The following DGKB variants were observed in gnomAD, a reference collection of about 807,000 sequenced individuals.
DGKB encodes 90 kDa diacylglycerol kinase.
Under a neutral mutation model 114.3 loss-of-function variants are expected in DGKB, and 67 were observed. The ratio of observed to expected loss-of-function variants is 0.59; its 90% CI spans 0.48 to 0.72. DGKB has a LOEUF of 0.72. Among genes scored for constraint, DGKB ranks in the 30% least tolerant of loss-of-function variants. The probability of loss-of-function intolerance (pLI) is 0.00; values close to 1 mark genes in which losing one functional copy is unlikely to be tolerated. For missense variants in DGKB, 907 were observed against 975.2 expected (o/e 0.93, Z 0.93); for synonymous variants, 398 against 323.1 (o/e 1.23, Z -2.49).
At position 14,163,989 on chromosome 7, in the gene DGKB, C is replaced by CCAT. The variant is rs1347911550; in HGVS notation, c.2304+12847_2304+12849dup. On this transcript the variant is annotated intron_variant, in intron 25 of 25. Transcript: ENST00000402815. ...CTGCCTGGGCAACAGCAGAGAAACT[C>CCAT]CATCTCAAAAACAAAAAACAAACAA... 3.3e-5 allele frequency among the ~76,000 whole-genome samples: 5 copies of CCAT among 151,078 alleles called. No homozygotes were observed. The East Asian group carries it at 9.7e-4, about 29-fold the overall frequency.
intron 21 of DGKB, among the ~76,000 whole-genome samples, chr7:14,350,421 A>G (rs1307981273): frequency 6.6e-6 from 1 of 152,086 alleles, no homozygotes; most frequent in Non-Finnish European, 1.5e-5. Flanking sequence ...GAAACAGTAA[A>G]GTACCAGTGC....
At chr7:14,537,216 T>G (rs1433671896) in intron 20 of DGKB, among the ~76,000 whole-genome samples, 1 of 152,168 alleles carries the variant, frequency 6.6e-6, no homozygotes, top group Admixed American at 6.5e-5. Context: ...TTGGAAAATT[T>G]AATATTATTA....
chr7:14,942,562 A>G (rs954692613), intron 1 of DGKB, among the ~76,000 whole-genome samples: 13 of 152,004 alleles, frequency 8.6e-5, no homozygotes, highest in South Asian at 4.1e-4. Flanking sequence ...TGCTGAAGTA[A>G]TTACAGCTTC....
intron 21 of DGKB, among the ~76,000 whole-genome samples, chr7:14,386,517 G>A (rs1820366471): frequency 6.6e-6 from 1 of 152,164 alleles, no homozygotes; most frequent in South Asian, 2.1e-4. Context: ...CAGCGATAAG[G>A]TAATTTTTGC....
intron 13 of DGKB, among the ~76,000 whole-genome samples, chr7:14,645,564 A>T (rs1441487972): frequency 1.3e-5 from 2 of 152,084 alleles, no homozygotes; most frequent in Non-Finnish European, 2.9e-5. Flanking sequence ...TTATAGTCAA[A>T]CAGTCAACAG....
At chr7:14,268,611 T>C (rs1797856017) in intron 23 of DGKB, among the ~76,000 whole-genome samples, 1 of 152,172 alleles carries the variant, frequency 6.6e-6, no homozygotes, top group Admixed American at 6.5e-5. Flanking sequence ...ATAAAAGAAA[T>C]ATGTTAGAAG....
At chr7:14,921,454 T>C (rs1042080179) in intron 1 of DGKB, among the ~76,000 whole-genome samples, 2 of 152,176 alleles carry the variant, frequency 1.3e-5, no homozygotes, top group Non-Finnish European at 2.9e-5. Flanking sequence ...CCGAACATCA[T>C]TAGAAAAATA....
At chr7:14,207,362 T>C (rs1010077474) in intron 23 of DGKB, among the ~76,000 whole-genome samples, 1 of 152,040 alleles carries the variant, frequency 6.6e-6, no homozygotes, top group African/African-American at 2.4e-5. Context: ...TGCAGTGGCT[T>C]GAAGAGGGAG....
intron 1 of DGKB, among the ~76,000 whole-genome samples, chr7:14,887,130 A>G (rs1160811442): frequency 6.6e-6 from 1 of 151,782 alleles, no homozygotes; most frequent in Admixed American, 6.6e-5. Flanking sequence ...GTTATTATAT[A>G]TGTTTTCTCT....
chr7:14,760,412 G>C (rs1051808014), intron 2 of DGKB, among the ~76,000 whole-genome samples: 2 of 152,014 alleles, frequency 1.3e-5, no homozygotes, highest in Non-Finnish European at 2.9e-5. Context: ...TACAATAATT[G>C]CTTCTATATG....
chr7:14,746,201 G>A (rs1385673338), intron 4 of DGKB, among the ~76,000 whole-genome samples: 1 of 152,104 alleles, frequency 6.6e-6, no homozygotes, highest in Non-Finnish European at 1.5e-5. Flanking sequence ...TAGCATGGTG[G>A]CATGTGCCTA....
chr7:14,671,469 C>T (rs1818951238), intron 13 of DGKB, among the ~76,000 whole-genome samples: 1 of 152,060 alleles, frequency 6.6e-6, no homozygotes, highest in Non-Finnish European at 1.5e-5. Flanking sequence ...TAAAAACTGT[C>T]TAAAAACAGC....
intron 1 of DGKB, among the ~76,000 whole-genome samples, chr7:14,856,828 T>C (rs1196930639): frequency 1.3e-5 from 2 of 152,182 alleles, no homozygotes; most frequent in Non-Finnish European, 2.9e-5. Context: ...TGCTTTATTA[T>C]AGGCTGCCAA....
At chr7:14,777,709 T>G (rs1166887442) in intron 2 of DGKB, among the ~76,000 whole-genome samples, 1 of 152,232 alleles carries the variant, frequency 6.6e-6, no homozygotes, top group Non-Finnish European at 1.5e-5. Flanking sequence ...GTCTCAGGTA[T>G]GTCTTTATTA....
chr7:14,379,370 A>G (rs1245810912), intron 21 of DGKB, among the ~76,000 whole-genome samples: 1 of 150,724 alleles, frequency 6.6e-6, no homozygotes. Context: ...GATGAAATCC[A>G]TCATTAGGCG....
At chr7:14,379,748 C>T (rs1322069819) in intron 21 of DGKB, among the ~76,000 whole-genome samples, 1 of 152,032 alleles carries the variant, frequency 6.6e-6, no homozygotes, top group African/African-American at 2.4e-5. Flanking sequence ...TTAGTAGTGA[C>T]GGGGTTTCAC....
intron 18 of DGKB, among the ~76,000 whole-genome samples, chr7:14,582,713 G>T (rs77064937): frequency 3.9e-5 from 6 of 151,980 alleles, no homozygotes; most frequent in Non-Finnish European, 8.8e-5. Context: ...CATCAATTTC[G>T]CACAGACTTT....
rs558220569 is a variant in DGKB, at chr7:14,188,524, G to C, written c.2123-10373C>G. Among the ~76,000 whole-genome samples the C allele has an allele frequency of 5.8e-3, 836 of 144,926 alleles. 63 individuals carry two copies. The highest frequency in any genetic ancestry group is 0.02 in the African/African-American group (800 of 39,624). On this transcript the variant is annotated intron_variant, in intron 23 of 25. Transcript: ENST00000402815. ...AAATACAAAAAATTAGCCGGGCGTG[G>C]TGGCGGGCGCCTGTAGTCCCAGCTA...
intron 19 of DGKB, among the ~76,000 whole-genome samples, chr7:14,579,795 A>C: frequency 6.6e-6 from 1 of 152,156 alleles, no homozygotes; most frequent in East Asian, 1.9e-4. Context: ...GTTTAAAAAA[A>C]AAAATCATCT....
Sources: gnomAD v4.1 joint callset for allele counts (sites outside exome capture counted in the v4.1 genomes callset) on GRCh38, gnomAD v4.1.1 for gene constraint, MANE v1.5 for transcripts, NCBI Gene and HGNC (gene_info 2026-07-23, HGNC 2026-07-21) for gene names.